Variants in PCDHGA8 observed in about 807,000 individuals in gnomAD.
The protein encoded by PCDHGA8 is protocadherin gamma subfamily A, 8.
PCDHGA8 carries 45 observed loss-of-function variants against 59.2 expected under a neutral mutation model. That is an observed-to-expected ratio of 0.76 (90% CI 0.60 to 0.98). The LOEUF is 0.98. PCDHGA8 is among the 50% of genes least tolerant of loss of function. PCDHGA8 has a pLI of 0.00. For missense variants in PCDHGA8, 1,257 were observed against 1,196.2 expected (o/e 1.05, Z -0.75); for synonymous variants, 531 against 519.0 (o/e 1.02, Z -0.32).
At chr5:141,509,268 G>A (rs2099875959) in intron 3 of PCDHGA8, among the ~76,000 whole-genome samples, 1 of 152,150 alleles carries the variant, frequency 6.6e-6, no homozygotes, top group South Asian at 2.1e-4. Flanking sequence ...AGTCACTCTC[G>A]CTACCCGCTC....
At chr5:141,503,241 A>G (rs1399557839) in intron 2 of PCDHGA8, among the ~76,000 whole-genome samples, 1 of 152,074 alleles carries the variant, frequency 6.6e-6, no homozygotes, top group Non-Finnish European at 1.5e-5. Context: ...GACAGTTTCT[A>G]TCATACTCAC....
At chr5:141,403,056 T>A in intron 1 of PCDHGA8, 1 of 1,614,046 alleles carries the variant, frequency 6.2e-7, no homozygotes, top group Non-Finnish European at 8.5e-7. Flanking sequence ...CGCTACTCAG[T>A]GCCTGAAGAG....
intron 1 of PCDHGA8, chr5:141,424,478 G>A (rs953233220): frequency 3.3e-5 from 5 of 151,898 alleles, no homozygotes; most frequent in Admixed American, 6.6e-5. Context: ...CTTTTACTTT[G>A]GTGTCTGTGT....
Position 141,491,466 on chromosome 5 carries a change from T to G in PCDHGA8, c.2425-3341T>G. The G allele has an allele frequency of 6.2e-7, 1 of 1,614,068 alleles. No individual in the cohort carries two copies. Among genetic ancestry groups the G allele is most frequent in the Non-Finnish European group, 8.5e-7 (1 of 1,179,986 alleles). ...AGGACTCACCCTCCCCGGACTTCTA[T>G]AAGCAGTCCAGCCCCAACCTGCAGG... On this transcript the variant is annotated intron_variant, in intron 1 of 3. Coordinates refer to ENST00000398604, the MANE Select transcript of PCDHGA8 (RefSeq NM_032088.2). This position sits in a 1 kb window ranked among gnomAD's most constrained non-coding sequence, Gnocchi z 6.9.
At chr5:141,400,279 G>C (rs1561676065) in intron 1 of PCDHGA8, 1 of 1,614,050 alleles carries the variant, frequency 6.2e-7, no homozygotes, top group African/African-American at 1.3e-5. Context: ...CTCCAGCCCT[G>C]CCGCCTGGAG....
intron 1 of PCDHGA8, 63 bp from the exon 2 acceptor site, chr5:141,494,744 G>T: frequency 6.2e-7 from 1 of 1,612,702 alleles, no homozygotes; most frequent in South Asian, 1.1e-5. Flanking sequence ...CATCCCTAGG[G>T]GCTCGGGTGA....
At chr5:141,409,464 C>T in intron 1 of PCDHGA8, 1 of 1,613,940 alleles carries the variant, frequency 6.2e-7, no homozygotes, top group East Asian at 2.2e-5. Context: ...TACAATGTCA[C>T]CATCGTAGCC....
At position 141,493,026 on chromosome 5, in the gene PCDHGA8, C is replaced by G. The variant is rs73280358; in HGVS notation, c.2425-1781C>G. Reference sequence around the variant, plus strand: ...TAGGCTCTGCCAGATGCCAGGGTGCCCTTATGTGTGAGGAAACTACAATAG... The same window carrying G: ...TAGGCTCTGCCAGATGCCAGGGTGCGCTTATGTGTGAGGAAACTACAATAG... On this transcript the variant is annotated intron_variant, in intron 1 of 3. Coordinates refer to ENST00000398604, the MANE Select transcript of PCDHGA8 (RefSeq NM_032088.2). This position sits in a 1 kb window ranked among gnomAD's most constrained non-coding sequence, Gnocchi z 4.3. 0.039 allele frequency among the ~76,000 whole-genome samples: 5,923 copies of G among 152,298 alleles called. 150 individuals are homozygous for G. The highest frequency in any genetic ancestry group is 0.077 in the South Asian group (370 of 4,822).
intron 1 of PCDHGA8, chr5:141,414,409 A>G: frequency 1.2e-6 from 2 of 1,613,870 alleles, no homozygotes; most frequent in Non-Finnish European, 8.5e-7. Flanking sequence ...GGTGATACAC[A>G]GAGCCCTTGA....
intron 1 of PCDHGA8, among the ~76,000 whole-genome samples, chr5:141,481,250 C>A (rs1160186962): frequency 2.6e-5 from 4 of 152,144 alleles, no homozygotes; most frequent in Non-Finnish European, 5.9e-5. Context: ...TAGCATAGCT[C>A]TAAAAGATCA....
rs1271891195 is a variant in PCDHGA8, at chr5:141,477,108, C to A, written c.2425-17699C>A. The A allele has an allele frequency of 2.5e-6, 4 of 1,614,232 alleles. No individual in the cohort carries two copies. Among genetic ancestry groups the A allele is most frequent in the Non-Finnish European group, 2.5e-6 (3 of 1,180,046 alleles). ...CAGGCCAAAGACAAGGGCGCCAATCCCGAAGGAGCACATTGCAAAGTGTTG... is the reference window on the plus strand; with the variant it reads ...CAGGCCAAAGACAAGGGCGCCAATCACGAAGGAGCACATTGCAAAGTGTTG... On this transcript the variant is annotated intron_variant, in intron 1 of 3. Coordinates refer to ENST00000398604, the MANE Select transcript of PCDHGA8 (RefSeq NM_032088.2). The surrounding 1 kb of genome is among the most constrained non-coding windows in gnomAD (Gnocchi z 4.9).
At chr5:141,435,446 G>A (rs889481920) in intron 1 of PCDHGA8, among the ~76,000 whole-genome samples, 12 of 152,060 alleles carry the variant, frequency 7.9e-5, no homozygotes, top group Admixed American at 6.6e-4. Context: ...TCATTAATAC[G>A]ATATCTGTAT....
chr5:141,431,206 G>A lies in PCDHGA8; in HGVS notation c.2424+35969G>A, dbSNP rs17097300. On this transcript the variant is annotated intron_variant, in intron 1 of 3. Coordinates refer to ENST00000398604, the MANE Select transcript of PCDHGA8 (RefSeq NM_032088.2). The surrounding 1 kb of genome is among the most constrained non-coding windows in gnomAD (Gnocchi z 4.8). ...AAATTAGTGAAAATGCAGCCACTGA[G>A]ATGCGGTTCCCTCTACCCCACGCCT... The A allele has an allele frequency of 0.041, 66,767 of 1,614,172 alleles. 3,763 individuals carry two copies. Among genetic ancestry groups the A allele is most frequent in the Admixed American group, 0.27 (16,026 of 60,028 alleles).
At position 141,493,323 on chromosome 5, in the gene PCDHGA8, C is replaced by T. The variant is rs542332335; in HGVS notation, c.2425-1484C>T. Among the ~76,000 whole-genome samples the T allele has an allele frequency of 6.6e-6, 1 of 152,294 alleles. No homozygotes were observed. The highest frequency in any genetic ancestry group is 6.5e-5 in the Admixed American group (1 of 15,300). On this transcript the variant is annotated intron_variant, in intron 1 of 3. Transcript: ENST00000398604. The surrounding 1 kb of genome is among the most constrained non-coding windows in gnomAD (Gnocchi z 4.3). ...AGAGCAAGTAAGAGAGATTCTAACC[C>T]CTGTCTAACTCCAGAATGTGTGCTT...
chr5:141,500,384 T>C (rs956708207), intron 2 of PCDHGA8, among the ~76,000 whole-genome samples: 1 of 151,894 alleles, frequency 6.6e-6, no homozygotes, highest in African/African-American at 2.4e-5. Context: ...AATTATTTTG[T>C]ATTTTTAGTA....
intron 1 of PCDHGA8, 84 bp from the exon 2 acceptor site, chr5:141,494,723 C>T: frequency 1.9e-6 from 3 of 1,606,114 alleles, no homozygotes; most frequent in Non-Finnish European, 2.6e-6. Flanking sequence ...TCCCCTCCTT[C>T]TCTCCCGGCC....
chr5:141,469,868 C>T (rs749624047), intron 1 of PCDHGA8, among the ~76,000 whole-genome samples: 6 of 152,228 alleles, frequency 3.9e-5, no homozygotes, highest in Non-Finnish European at 7.3e-5. Flanking sequence ...CAATGGCTCA[C>T]GCCTGTAATC....
chr5:141,432,763 C>T lies in PCDHGA8; in HGVS notation c.2424+37526C>T. The T allele has an allele frequency of 6.2e-7, 1 of 1,614,152 alleles. No homozygotes were observed. The highest frequency in any genetic ancestry group is 8.5e-7 in the Non-Finnish European group (1 of 1,180,004). ...TCACCGTGGCCGTGGCCGACAGCAT[C>T]CCCCAAGTCCTGGCGGACCTCGGCA... On this transcript the variant is annotated intron_variant, in intron 1 of 3. Transcript: ENST00000398604. This position sits in a 1 kb window ranked among gnomAD's most constrained non-coding sequence, Gnocchi z 6.0.
intron 1 of PCDHGA8, chr5:141,422,091 G>C: frequency 6.2e-7 from 1 of 1,611,830 alleles, no homozygotes. Context: ...TGGAAAGCAA[G>C]GCTTCTGAAA....
Sources: gnomAD v4.1 joint callset for allele counts (sites outside exome capture counted in the v4.1 genomes callset) on GRCh38, gnomAD v4.1.1 for gene constraint, Gnocchi (gnomAD v3.1) non-coding constraint, MANE v1.5 for transcripts, NCBI Gene and HGNC (gene_info 2026-07-23, HGNC 2026-07-21) for gene names.